The following CEP70 variants were observed in gnomAD, a reference collection of about 807,000 sequenced individuals.
CEP70 encodes the protein centrosomal protein 70.
A neutral mutation model predicts 90.9 loss-of-function variants in CEP70; 70 were observed. The ratio of observed to expected loss-of-function variants is 0.77; its 90% confidence interval spans 0.64 to 0.94. The LOEUF is 0.94. Among genes scored for constraint, CEP70 ranks in the 40% least tolerant of loss-of-function variants. The pLI, the probability that CEP70 is intolerant of heterozygous loss-of-function variation, is 0.00. For missense variants in CEP70, 648 were observed against 669.0 expected (o/e 0.97, Z 0.35); for synonymous variants, 220 against 228.3 (o/e 0.96, Z 0.33).
At chr3:138,513,418 A>G (rs2108745514) in intron 11 of CEP70, among the ~76,000 whole-genome samples, 1 of 152,210 alleles carries the variant, frequency 6.6e-6, no homozygotes, top group East Asian at 1.9e-4. Context: ...TAATTAAAAT[A>G]CTTTTCTCCA....
In CEP70 at chr3:138,500,537, G is replaced by T; in HGVS notation, c.1399C>A (p.Gln467Lys). The T allele has an allele frequency of 6.2e-7, 1 of 1,609,322 alleles. No homozygotes were observed. Among genetic ancestry groups the T allele is most frequent in the Non-Finnish European group, 8.5e-7 (1 of 1,178,776 alleles). Residue 467 changes from glutamine (Q) to lysine (K), a missense_variant, in exon 15 of 18, where the codon CAA (glutamine) becomes AAA (lysine). Transcript: ENST00000264982. ...DSNMPHFQTLQAIVSHFQKLF... is the reference protein window; with the variant it reads ...DSNMPHFQTLKAIVSHFQKLF... ...TTTTGGAAGTGAGAAACAATAGCTT[G>T]CAAAGTTTGAAAGTGTGGCATATTG...
intron 6 of CEP70, among the ~76,000 whole-genome samples, chr3:138,542,798 A>G (rs1239672722): frequency 6.6e-6 from 1 of 152,314 alleles, no homozygotes; most frequent in Middle Eastern, 3.4e-3. Flanking sequence ...TCCTGTGTCC[A>G]GGAAGAATGA....
chr3:138,499,200 G>A (rs1033573812), intron 16 of CEP70, among the ~76,000 whole-genome samples: 7 of 152,098 alleles, frequency 4.6e-5, no homozygotes, highest in Admixed American at 1.3e-4. Flanking sequence ...AAAACATATG[G>A]TTTATGTGGT....
chr3:138,515,266 A>G (rs1159087828), intron 11 of CEP70, among the ~76,000 whole-genome samples: 2 of 152,074 alleles, frequency 1.3e-5, no homozygotes, highest in Non-Finnish European at 2.9e-5. Flanking sequence ...ACACCTTTAA[A>G]ATATATATTT....
intron 6 of CEP70, among the ~76,000 whole-genome samples, chr3:138,560,269 T>G (rs563601297): frequency 6.6e-6 from 1 of 152,258 alleles, no homozygotes; most frequent in African/African-American, 2.4e-5. Flanking sequence ...GTTAGAGAAC[T>G]TGCTCTACTA....
At position 138,529,367 on chromosome 3, in the gene CEP70, C is replaced by A. The variant is rs1278484029; in HGVS notation, c.780+8G>T. 9 of 1,593,218 alleles carry A rather than the reference C, an allele frequency of 5.6e-6. No homozygotes were observed. Among genetic ancestry groups the A allele is most frequent in the Non-Finnish European group, 7.7e-6 (9 of 1,165,132 alleles). On this transcript the variant is annotated splice_region_variant and intron_variant, in intron 9 of 17. Coordinates refer to ENST00000264982, the MANE Select transcript of CEP70 (RefSeq NM_024491.4). ...AAAAAGTATTTATTAGTTATGCAGT[C>A]CCCATACCATTAAAAGGCCTTTATA...
At chr3:138,553,882 G>A (rs1260656648) in intron 6 of CEP70, among the ~76,000 whole-genome samples, 3 of 151,988 alleles carry the variant, frequency 2.0e-5, no homozygotes, top group Admixed American at 2.0e-4. Context: ...TGATCATCTC[G>A]ATAAACTCAG....
At chr3:138,576,888 T>C (rs2041564436) in intron 2 of CEP70, among the ~76,000 whole-genome samples, 2 of 152,200 alleles carry the variant, frequency 1.3e-5, no homozygotes, top group Admixed American at 6.5e-5. Context: ...GAAATAAAGA[T>C]GTTCTTTGAA....
chr3:138,529,344 A>G (rs2037596152), intron 9 of CEP70, 31 bp downstream of exon 9: 1 of 1,571,392 alleles, frequency 6.4e-7, no homozygotes, highest in Admixed American at 1.8e-5. Flanking sequence ...AGTTTATTAA[A>G]AAGTATTTAT....
intron 7 of CEP70, among the ~76,000 whole-genome samples, chr3:138,533,250 C>T (rs1423855120): frequency 6.7e-6 from 1 of 148,782 alleles, no homozygotes; most frequent in Non-Finnish European, 1.5e-5. Flanking sequence ...CACTGCACTA[C>T]AGCCTGGTGA....
chr3:138,570,599 G>T, intron 5 of CEP70, 101 bp from the exon 6 acceptor site: 1 of 894,984 alleles, frequency 1.1e-6, no homozygotes, highest in South Asian at 1.7e-5. Context: ...AAGTTTCTTT[G>T]CATTCTCTTT....
At chr3:138,582,850 T>C (rs773447361) in intron 2 of CEP70, among the ~76,000 whole-genome samples, 7 of 151,880 alleles carry the variant, frequency 4.6e-5, no homozygotes, top group Admixed American at 2.0e-4. Context: ...TCCAAAAACA[T>C]ACAATGGATA....
In CEP70 at chr3:138,552,941, C is replaced by A. The variant is rs529999148; in HGVS notation, c.466-15594G>T. Among the ~76,000 whole-genome samples, 7 of 152,116 alleles carry A rather than the reference C, an allele frequency of 4.6e-5. No homozygotes were observed. In the East Asian group the frequency reaches 9.7e-4, roughly 21 times the overall value. On this transcript the variant is annotated intron_variant, in intron 6 of 17. Transcript: ENST00000264982. Reference sequence around the variant, plus strand: ...ATTGATAGACCACTAGCAAGATGAACCAAGAGAAGAGAGAAGATTCAAATA... The same window carrying A: ...ATTGATAGACCACTAGCAAGATGAAACAAGAGAAGAGAGAAGATTCAAATA...
At chr3:138,559,394 A>G (rs2040236548) in intron 6 of CEP70, among the ~76,000 whole-genome samples, 1 of 152,218 alleles carries the variant, frequency 6.6e-6, no homozygotes, top group Non-Finnish European at 1.5e-5. Flanking sequence ...TCAAAGGAAG[A>G]TAAATCAAAA....
chr3:138,521,893 G>C (rs915458308), intron 11 of CEP70, among the ~76,000 whole-genome samples: 1 of 152,228 alleles, frequency 6.6e-6, no homozygotes, highest in Non-Finnish European at 1.5e-5. Context: ...TACTGTGTCT[G>C]TGTAGAAAGA....
chr3:138,550,425 G>A (rs1366503256), intron 6 of CEP70, among the ~76,000 whole-genome samples: 10 of 152,226 alleles, frequency 6.6e-5, no homozygotes, highest in Non-Finnish European at 1.5e-4. Flanking sequence ...GTGCAATGGA[G>A]TGATCTTGGC....
At chr3:138,579,247 T>A (rs539106918) in intron 2 of CEP70, among the ~76,000 whole-genome samples, 1 of 152,196 alleles carries the variant, frequency 6.6e-6, no homozygotes, top group East Asian at 1.9e-4. Context: ...TGAGTTAAAG[T>A]GCTCTGGGGT....
intron 10 of CEP70, among the ~76,000 whole-genome samples, chr3:138,526,083 A>C (rs1259202688): frequency 1.3e-5 from 2 of 152,164 alleles, no homozygotes; most frequent in Non-Finnish European, 2.9e-5. Flanking sequence ...TATTGTGTTC[A>C]AGGTTTTCAC....
At chr3:138,563,858 G>A (rs1026614712) in intron 6 of CEP70, among the ~76,000 whole-genome samples, 3 of 152,174 alleles carry the variant, frequency 2.0e-5, no homozygotes, top group African/African-American at 7.2e-5. Context: ...CAGCAGAAAT[G>A]AAGGAGCTAG....
Sources: gnomAD v4.1 joint callset for allele counts (sites outside exome capture counted in the v4.1 genomes callset) on GRCh38, gnomAD v4.1.1 for gene constraint, MANE v1.5 for transcripts, NCBI Gene and HGNC (gene_info 2026-07-23, HGNC 2026-07-21) for gene names.